ARMCX4: variants seen among roughly 807,000 people sequenced by gnomAD.
ARMCX4 encodes armadillo repeat containing X-linked 4.
In ARMCX4, 3 loss-of-function variants were observed where a neutral mutation model predicts 34.7. That is an observed-to-expected ratio of 0.09 (90% CI 0.04 to 0.22). The LOEUF (loss-of-function observed/expected upper bound fraction) is 0.22, where lower values mean the gene tolerates loss of function less well. ARMCX4 is among the 10% of genes least tolerant of loss of function. ARMCX4 has a pLI of 1.00. For missense variants in ARMCX4, 1,448 were observed against 1,720.8 expected, an observed-to-expected ratio of 0.84 and a Z score of 2.81; for synonymous variants, 513 against 632.8, an observed-to-expected ratio of 0.81 and a Z score of 2.84.
intron 2 of ARMCX4, among the ~76,000 whole-genome samples, chrX:101,486,505 TGG>T (rs1365034332): frequency 5.4e-5 from 6 of 110,595 alleles, no homozygotes; most frequent in African/African-American, 2.0e-4. Flanking sequence ...TTCTAGAGTA[TGG>T]GATCTGGGGT....
At position 101,492,018 on chromosome X, in the gene ARMCX4, G is replaced by A. The variant is rs1192484398; in HGVS notation, c.3429G>A (p.Gly1143=). 53 of 1,153,809 alleles carry A rather than the reference G, an allele frequency of 4.6e-5. No homozygotes were observed. Among genetic ancestry groups the A allele is most frequent in the Non-Finnish European group, 5.5e-5 (48 of 872,115 alleles). ...ENEASIGSWS[G]ASDKAGIIRS... ...AAGCCAGTATTGGGTCCTGGAGTGG[G>A]GCTAGTGATAAGGCTGGGATTATTC... The change falls in exon 6 of 6, where the codon GGG becomes GGA. Residue 1143 remains glycine (G), a synonymous_variant. Transcript: ENST00000423738.
At chrX:101,497,616 G>T (rs1160268970), downstream of ARMCX4, among the ~76,000 whole-genome samples, 1 of 111,977 alleles carries the variant, frequency 8.9e-6, no homozygotes, top group Non-Finnish European at 1.9e-5. Context: ...CAACAAGGAA[G>T]AAGATGGATT....
At chrX:101,527,682 A>G (rs1355875927) in intron 11 of ARMCX4, among the ~76,000 whole-genome samples, 1 of 111,930 alleles carries the variant, frequency 8.9e-6, no homozygotes, top group Non-Finnish European at 1.9e-5. Flanking sequence ...ACAAACTATC[A>G]TCAGAGAATA....
chrX:101,490,890 G>A lies in ARMCX4; in HGVS notation c.2301G>A (p.Lys767=), dbSNP rs1933947836. The A allele has an allele frequency of 8.7e-7, 1 of 1,153,356 alleles. No homozygotes were observed. The part of the protein sequence containing the change: ...QGEVLPGAKN[K]VKANLNAVSK... ...AGGTCTTGCCTGGTGCCAAAAATAA[G>A]GTCAAGGCCAATCTTAATGCTGTGT... The change falls in exon 6 of 6, where the codon AAG becomes AAA. Residue 767 remains lysine, a synonymous_variant. Transcript: ENST00000423738.
intron 11 of ARMCX4, among the ~76,000 whole-genome samples, chrX:101,520,892 A>C (rs1934838594): frequency 2.0e-5 from 1 of 49,313 alleles, no homozygotes; most frequent in South Asian, 7.0e-4. Flanking sequence ...TTTCTTTATG[A>C]GGTTTTTTTT....
At chrX:101,468,725 T>A (rs1385668689) in intron 4 of ARMCX4, among the ~76,000 whole-genome samples, 2 of 110,956 alleles carry the variant, frequency 1.8e-5, no homozygotes, top group Admixed American at 1.9e-4. Context: ...GCCATTCTCC[T>A]GCCTCAGCCT....
chrX:101,522,972 G>A (rs1934884076), intron 11 of ARMCX4, among the ~76,000 whole-genome samples: 1 of 111,981 alleles, frequency 8.9e-6, no homozygotes, highest in Non-Finnish European at 1.9e-5. Flanking sequence ...AACAGCCAGG[G>A]AAGGAGACCA....
downstream of ARMCX4, among the ~76,000 whole-genome samples, chrX:101,451,933 A>G: frequency 8.9e-6 from 1 of 112,421 alleles, no homozygotes; most frequent in South Asian, 3.6e-4. Flanking sequence ...AATTCAAGTC[A>G]GTGTTCCAAA....
At chrX:101,466,816 C>T (rs781783603) in intron 4 of ARMCX4, among the ~76,000 whole-genome samples, 10 of 111,655 alleles carry the variant, frequency 9.0e-5, no homozygotes, top group African/African-American at 3.3e-4. Context: ...ATACACTTGC[C>T]AGAACTCATA....
chrX:101,442,015 C>T (rs1555997000), intron 2 of ARMCX4, among the ~76,000 whole-genome samples: 2 of 111,992 alleles, frequency 1.8e-5, no homozygotes, highest in South Asian at 3.7e-4. Flanking sequence ...GCATGGATTC[C>T]GTTATCCACC....
downstream of ARMCX4, among the ~76,000 whole-genome samples, chrX:101,448,621 C>T (rs1931787050): frequency 9.0e-6 from 1 of 111,277 alleles, no homozygotes; most frequent in Non-Finnish European, 1.9e-5. Context: ...GAGATGAAGC[C>T]CCACTCTGTT....
chrX:101,486,618 C>G (rs1556006923), intron 2 of ARMCX4, among the ~76,000 whole-genome samples: 1 of 111,061 alleles, frequency 9.0e-6, no homozygotes, highest in Non-Finnish European at 1.9e-5. Context: ...CCCTAGAACC[C>G]TACAGGTGGT....
chrX:101,487,428 G>A (rs1218873432), intron 3 of ARMCX4, among the ~76,000 whole-genome samples, 156 bp downstream of exon 3: 1 of 106,523 alleles, frequency 9.4e-6, no homozygotes, highest in African/African-American at 3.5e-5. Flanking sequence ...GAATATGGGG[G>A]TAAGGGTGGG....
chrX:101,475,464 T>A (rs1603193659), intron 4 of ARMCX4, among the ~76,000 whole-genome samples: 1 of 110,782 alleles, frequency 9.0e-6, no homozygotes, highest in Admixed American at 9.7e-5. Flanking sequence ...AAGCTGGCAG[T>A]GGGCGGCGGG....
At chrX:101,459,911 C>T (rs1172007810) in intron 4 of ARMCX4, among the ~76,000 whole-genome samples, 2 of 112,092 alleles carry the variant, frequency 1.8e-5, no homozygotes, top group Non-Finnish European at 3.8e-5. Flanking sequence ...TCTCAAAGTT[C>T]AGCATGCATC....
At chrX:101,452,636 ATC>A (rs1173924843), downstream of ARMCX4, among the ~76,000 whole-genome samples, 2 of 109,951 alleles carry the variant, frequency 1.8e-5, no homozygotes, top group African/African-American at 6.6e-5. Context: ...GCTCACCGCA[ATC>A]TCTGTCTCCC....
intron 4 of ARMCX4, among the ~76,000 whole-genome samples, chrX:101,458,517 C>CCTTTT (rs1388091413): frequency 1.9e-5 from 2 of 103,089 alleles, no homozygotes; most frequent in African/African-American, 3.5e-5. Flanking sequence ...TATCCCCCCC[C>CCTTTT]TTTTTTTTTT....
downstream of ARMCX4, among the ~76,000 whole-genome samples, chrX:101,451,165 C>G (rs952392016): frequency 1.4e-4 from 15 of 111,106 alleles, no homozygotes; most frequent in South Asian, 3.8e-4. Context: ...TTGGCCTAGA[C>G]TGTCTTTCAA....
chrX:101,507,691 A>G (rs782747202), intron 8 of ARMCX4, among the ~76,000 whole-genome samples: 12 of 111,749 alleles, frequency 1.1e-4, no homozygotes, highest in African/African-American at 3.6e-4. Flanking sequence ...GTATATAAAT[A>G]CCTTGAGATT....
Sources: allele counts gnomAD v4.1 joint callset (sites outside exome capture counted in the v4.1 genomes callset), GRCh38; gene constraint gnomAD v4.1.1; transcripts MANE v1.5; gene names NCBI Gene and HGNC (gene_info 2026-07-23, HGNC 2026-07-21).